COMP: variants seen among roughly 807,000 people sequenced by gnomAD.
COMP encodes cartilage oligomeric matrix protein (pseudoachondroplasia, epiphyseal dysplasia 1, multiple).
In COMP, 79 loss-of-function variants were observed where a neutral mutation model predicts 95.8. The ratio of observed to expected loss-of-function variants is 0.82; its 90% confidence interval spans 0.69 to 0.99. The LOEUF is 0.99. Among genes scored for constraint, COMP ranks in the 50% least tolerant of loss-of-function variants. COMP has a pLI of 0.00. For missense variants in COMP, 906 were observed against 1,076.1 expected, an observed-to-expected ratio of 0.84 and a Z score of 2.21; for synonymous variants, 438 against 433.9, an observed-to-expected ratio of 1.01 and a Z score of -0.12.
rs1402966300 is a variant in COMP, at chr19:18,790,101, T to C, written c.231A>G (p.Ser77=). The part of the protein sequence containing the change: ...MECDACGMQQ[S]VRTGLPSVRP... ...GCACGCTGGGTAGGCCGGTGCGTAC[T>C]GACTGCTGCATCCCTGCGGGGGGGA... The change falls in exon 4 of 19, where the codon TCA becomes TCG. Residue 77 remains serine (S), a synonymous_variant. Coordinates refer to ENST00000222271, the MANE Select transcript of COMP (RefSeq NM_000095.3). The C allele has an allele frequency of 2.6e-6, 4 of 1,535,636 alleles. No individual in the cohort carries two copies. The highest frequency in any genetic ancestry group is 3.5e-6 in the Non-Finnish European group (4 of 1,144,060).
At chr19:18,791,084 C>A in intron 1 of COMP, 107 bp downstream of exon 1, 1 of 1,506,014 alleles carries the variant, frequency 6.6e-7, no homozygotes, top group Admixed American at 2.0e-5. Context: ...CGGCACGTCC[C>A]CTACGAACAG....
Position 18,788,303 on chromosome 19 carries a change from A to C in COMP, c.884T>G (p.Val295Gly). Residue 295 changes from valine (V) to glycine (G), a missense_variant, in exon 9 of 19, where the codon GTG becomes GGG. Transcript: ENST00000222271. This position sits in a 1 kb window ranked among gnomAD's most constrained non-coding sequence, Gnocchi z 4.7. ...RQCRKDNCVTVPNSGQEDVDR... is the reference protein window; with the variant it reads ...RQCRKDNCVTGPNSGQEDVDR... The stretch of plus-strand genomic sequence containing the variant: ...CACATCCTCCTGCCCTGAGTTGGGC[A>C]CAGTCACGCAGTTGTCCTGGGGGCG... 1.2e-6 allele frequency: 2 copies of C among 1,612,212 alleles called. No individual in the cohort carries two copies. Among genetic ancestry groups the C allele is most frequent in the Non-Finnish European group, 1.7e-6 (2 of 1,179,924 alleles).
chr19:18,784,448 C>T lies in COMP; in HGVS notation c.1915-85G>A. 1 of 1,543,124 alleles carries T rather than the reference C, an allele frequency of 6.5e-7. No homozygotes were observed. The highest frequency in any genetic ancestry group is 8.9e-7 in the Non-Finnish European group (1 of 1,123,316). On this transcript the variant is annotated intron_variant, in intron 16 of 18. Coordinates refer to ENST00000222271, the MANE Select transcript of COMP (RefSeq NM_000095.3). This position sits in a 1 kb window ranked among gnomAD's most constrained non-coding sequence, Gnocchi z 4.9. ...ACCTTCCTGGAGAGACAGTTGGGAGCAGCAGGTGGTGGGCGGCCAGGGGGA... is the reference window on the plus strand; with the variant it reads ...ACCTTCCTGGAGAGACAGTTGGGAGTAGCAGGTGGTGGGCGGCCAGGGGGA...
rs762992681 is a variant in COMP, at chr19:18,786,130, G to A, written c.1324C>T (p.Gln442Ter). Residue 442 changes from glutamine to a stop codon, truncating the protein, a stop_gained, in exon 13 of 19, where the codon CAG becomes TAG. Transcript: ENST00000222271. LOFTEE classifies it high-confidence loss of function. Reference protein sequence around the residue: ...SDQDQDGDGHQDSRDNCPTVP... With the variant: ...SDQDQDGDGH ...GTGGGACAGTTGTCCCGAGAGTCCT[G>A]ATGTCCGTCTCCATCCCTAGAGTGG... 6.2e-7 allele frequency: 1 copy of A among 1,614,188 alleles called. No individual in the cohort carries two copies. Among genetic ancestry groups the A allele is most frequent in the Non-Finnish European group, 8.5e-7 (1 of 1,180,050 alleles).
intron 13 of COMP, 57 bp from the exon 14 acceptor site, chr19:18,785,908 C>T: frequency 6.2e-7 from 1 of 1,604,136 alleles, no homozygotes; most frequent in Non-Finnish European, 8.5e-7. Context: ...ACCGTAGACC[C>T]CGCGCCAGGA....
At position 18,791,291 on chromosome 19, in the gene COMP, G is replaced by A; in HGVS notation, c.-22C>T. 6.3e-7 allele frequency: 1 copy of A among 1,578,340 alleles called. No homozygotes were observed. On this transcript the variant is annotated 5_prime_UTR_variant, in exon 1 of 19. Transcript: ENST00000222271. ...CCATGGCGGTGGCGGGGAGCTGGGT[G>A]GCTGCTCGCTTTCTACCGCCCACGA... is the stretch of plus-strand genomic sequence containing the variant.
In COMP at chr19:18,785,708, C is replaced by A; in HGVS notation, c.1633G>T (p.Ala545Ser). The A allele has an allele frequency of 1.2e-6, 2 of 1,613,446 alleles. No homozygotes were observed. Among genetic ancestry groups the A allele is most frequent in the Non-Finnish European group, 1.7e-6 (2 of 1,180,028 alleles). ...QTVVLDPEGD[A>S]QIDPNWVVLN... ...ACCACCCAGTTGGGGTCAATCTGCGCGTCACCCTCCGGGTCCAGCACGACT... is the reference window on the plus strand; with the variant it reads ...ACCACCCAGTTGGGGTCAATCTGCGAGTCACCCTCCGGGTCCAGCACGACT... Residue 545 changes from alanine (A) to serine (S), a missense_variant, in exon 14 of 19, where the codon GCG (alanine) becomes TCG (serine). Ala to Ser is a moderately conservative substitution (Grantham distance 99). Transcript: ENST00000222271.
At chr19:18,790,685 CG>C in intron 2 of COMP, 72 bp from the exon 3 acceptor site, 6 of 1,612,900 alleles carry the variant, frequency 3.7e-6, no homozygotes, top group Non-Finnish European at 5.1e-6. Context: ...CTCTCTACCC[CG>C]GGGTCCCTTT....
intron 17 of COMP, 139 bp from the exon 18 acceptor site, chr19:18,783,332 G>C: frequency 8.2e-7 from 1 of 1,220,630 alleles, no homozygotes; most frequent in Non-Finnish European, 1.1e-6. Context: ...TTGGGCCTCA[G>C]TTTCCTGGTG....
Position 18,785,031 on chromosome 19 carries a change from A to G in COMP, c.1779T>C (p.Asp593=). 1 of 1,614,086 alleles carries G rather than the reference A, an allele frequency of 6.2e-7. No homozygotes were observed. Among genetic ancestry groups the G allele is most frequent in the Non-Finnish European group, 8.5e-7 (1 of 1,179,992 alleles). The change falls in exon 16 of 19, where the codon GAT becomes GAC. Residue 593 remains aspartate (D), a synonymous_variant. Coordinates refer to ENST00000222271, the MANE Select transcript of COMP (RefSeq NM_000095.3). ...EGTFHVNTVT[D]DDYAGFIFGY... ...CAAAGATGAAGCCCGCATAGTCGTC[A>G]TCCGTGACCGTGTTCACATGGAACG...
In COMP at chr19:18,785,702, T is replaced by C. The variant is rs750142844; in HGVS notation, c.1639A>G (p.Ile547Val). The C allele has an allele frequency of 1.9e-6, 3 of 1,613,412 alleles. No individual in the cohort carries two copies. Among genetic ancestry groups the C allele is most frequent in the East Asian group, 4.5e-5 (2 of 44,848 alleles). The change falls in exon 14 of 19, where the codon ATT becomes GTT. Residue 547 changes from isoleucine to valine, a missense_variant. Ile to Val is a conservative substitution (Grantham distance 29). Coordinates refer to ENST00000222271, the MANE Select transcript of COMP (RefSeq NM_000095.3). ...TTGAGCACCACCCAGTTGGGGTCAA[T>C]CTGCGCGTCACCCTCCGGGTCCAGC... Reference protein sequence around the residue: ...VVLDPEGDAQIDPNWVVLNQG... With the variant: ...VVLDPEGDAQVDPNWVVLNQG...
rs1364897581 is a variant in COMP at position 18,785,048 on chromosome 19, C to T, written c.1762G>A (p.Val588Met). The part of the protein sequence containing the change: ...NGVDFEGTFH[V>M]NTVTDDDYAG... ...TAGTCGTCATCCGTGACCGTGTTCA[C>T]ATGGAACGTGCCCTCGAAGTCCACG... is the stretch of plus-strand genomic sequence containing the variant. The change falls in exon 16 of 19, where the codon GTG (valine) becomes ATG (methionine). Residue 588 changes from valine (V) to methionine (M), a missense_variant. Coordinates refer to ENST00000222271, the MANE Select transcript of COMP (RefSeq NM_000095.3). The T allele has an allele frequency of 1.9e-6, 3 of 1,614,024 alleles. No individual in the cohort carries two copies. Among genetic ancestry groups the T allele is most frequent in the African/African-American group, 1.3e-5 (1 of 74,906 alleles).
chr19:18,784,387 T>C lies in COMP; in HGVS notation c.1915-24A>G. 6.2e-7 allele frequency: 1 copy of C among 1,613,368 alleles called. No homozygotes were observed. Among genetic ancestry groups the C allele is most frequent in the Non-Finnish European group, 8.5e-7 (1 of 1,179,906 alleles). ...GCCTGCCAATACCCAGGAAAGGTGG[T>C]CAGAGACCTCGTGGGCCACCGGAGC... On this transcript the variant is annotated intron_variant, in intron 16 of 18. Coordinates refer to ENST00000222271, the MANE Select transcript of COMP (RefSeq NM_000095.3). This position sits in a 1 kb window ranked among gnomAD's most constrained non-coding sequence, Gnocchi z 4.9.
In COMP at chr19:18,789,951, G is replaced by A. The variant is rs2055199653; in HGVS notation, c.381C>T (p.Asp127=). 6.3e-7 allele frequency: 1 copy of A among 1,592,564 alleles called. No individual in the cohort carries two copies. Residue 127 remains aspartate (D), a synonymous_variant, in exon 4 of 19, where the codon GAC becomes GAT. Transcript: ENST00000222271. The surrounding 1 kb of genome is among the most constrained non-coding windows in gnomAD (Gnocchi z 6.1). The part of the protein sequence containing the change: ...GFTGNGSHCT[D]VNECNAHPCF... ...GTCGGGGCTAGCGCACCTCGTTGAC[G>A]TCGGTGCAGTGCGAGCCGTTGCCCG...
In COMP at chr19:18,784,766, G is replaced by T; in HGVS notation, c.1914+130C>A. 1 of 1,020,102 alleles carries T rather than the reference G, an allele frequency of 9.8e-7. No homozygotes were observed. The allele number at this position is 1,020,102 out of a possible 1,614,324, so 63.2% of individuals were successfully genotyped here. ...GGGGACTGCGGGAGCCCAGAGGAGGGCTGGGACAGCTTTGAGGTCCATAGT... is the reference window on the plus strand; with the variant it reads ...GGGGACTGCGGGAGCCCAGAGGAGGTCTGGGACAGCTTTGAGGTCCATAGT... On this transcript the variant is annotated intron_variant, in intron 16 of 18. Coordinates refer to ENST00000222271, the MANE Select transcript of COMP (RefSeq NM_000095.3). This position sits in a 1 kb window ranked among gnomAD's most constrained non-coding sequence, Gnocchi z 4.9.
rs1054938165 is a variant in COMP, at chr19:18,787,735, G to T, written c.976-85C>A. 389 of 1,575,034 alleles carry T rather than the reference G, an allele frequency of 2.5e-4. 2 individuals carry two copies. Among genetic ancestry groups the T allele is most frequent in the South Asian group, 5.5e-4 (50 of 90,264 alleles). On this transcript the variant is annotated intron_variant, in intron 9 of 18. Transcript: ENST00000222271. The stretch of plus-strand genomic sequence containing the variant: ...CAGATTCCCAAATCTCCGAGGACGC[G>T]TCTCCTCCTCAAGGAACCTTTCGCC...
rs892355041 is a variant in COMP, at chr19:18,788,887, C to G, written c.555G>C (p.Glu185Asp). ...TGGGGACGCAGTTATGTTGCCCGGT[C>G]TCACACTCGTTGATGTCCGTGCAAA... is the stretch of plus-strand genomic sequence containing the variant. ...KQVCTDINECETGQHNCVPNS... is the reference protein window; with the variant it reads ...KQVCTDINECDTGQHNCVPNS... The change falls in exon 6 of 19, where the codon GAG becomes GAC. Residue 185 changes from glutamate (E) to aspartate (D), a missense_variant. By Grantham distance (45) the Glu-to-Asp change is conservative. Transcript: ENST00000222271. This position sits in a 1 kb window ranked among gnomAD's most constrained non-coding sequence, Gnocchi z 4.7. The G allele has an allele frequency of 6.2e-7, 1 of 1,613,808 alleles. No homozygotes were observed. Among genetic ancestry groups the G allele is most frequent in the East Asian group, 2.2e-5 (1 of 44,888 alleles).
At chr19:18,785,326 G>A (rs2055157339) in intron 15 of COMP, among the ~76,000 whole-genome samples, 172 bp downstream of exon 15, 1 of 99,904 alleles carries the variant, frequency 1.0e-5, no homozygotes. Flanking sequence ...CTGGCCCCGC[G>A]CCTTCTCCTC....
Position 18,788,115 on chromosome 19 carries a change from G to A in COMP, c.975+97C>T. The stretch of plus-strand genomic sequence containing the variant: ...GGAGGGGTTTCACCATGATGGCCAG[G>A]ATGGTCTCCATCTCTTGACCTCGTG... On this transcript the variant is annotated intron_variant, in intron 9 of 18. Transcript: ENST00000222271. The surrounding 1 kb of genome is among the most constrained non-coding windows in gnomAD (Gnocchi z 4.7). The A allele has an allele frequency of 1.0e-6, 1 of 986,132 alleles. No individual in the cohort carries two copies. The highest frequency in any genetic ancestry group is 1.6e-6 in the Non-Finnish European group (1 of 632,736). 61.1% of individuals were successfully genotyped at this position (986,132 alleles called of 1,614,324 possible). A position where few individuals can be genotyped will look rare whatever the true frequency, so the allele number is the denominator to read the frequency against.
Sources: gnomAD v4.1 joint callset for allele counts (sites outside exome capture counted in the v4.1 genomes callset) on GRCh38, gnomAD v4.1.1 for gene constraint, Gnocchi (gnomAD v3.1) non-coding constraint, MANE v1.5 for transcripts, NCBI Gene and HGNC (gene_info 2026-07-23, HGNC 2026-07-21) for gene names.